The following NOCT variants were observed in gnomAD, a reference collection of about 807,000 sequenced individuals.
NOCT encodes CCR4 carbon catabolite repression 4-like.
Under a neutral mutation model 35.0 loss-of-function variants are expected in NOCT, and 18 were observed. The observed-to-expected ratio is 0.51, with a 90% CI of 0.36 to 0.76. The LOEUF is 0.76. Ranked by LOEUF, NOCT falls within the 30% of genes least tolerant of loss-of-function variation. The pLI, the probability that NOCT is intolerant of heterozygous loss-of-function variation, is 0.01. For synonymous variants in NOCT, 235 were observed against 226.3 expected (o/e 1.04, Z -0.34); for missense variants, 479 against 541.0 (o/e 0.89, Z 1.14).
At chr4:139,044,497 T>A (rs1188438090) in intron 2 of NOCT, 142 bp from the exon 3 acceptor site, 2 of 607,418 alleles carry the variant, frequency 3.3e-6, no homozygotes, top group East Asian at 5.5e-5. Context: ...TTGGATGGGG[T>A]AATACAGTTT....
chr4:139,044,143 T>TC (rs1726892566), intron 2 of NOCT, among the ~76,000 whole-genome samples: 1 of 151,320 alleles, frequency 6.6e-6, no homozygotes, highest in Non-Finnish European at 1.5e-5. Context: ...TTTTTTTTTT[T>TC]CCTGGAAAAT....
At chr4:139,025,596 T>C (rs1726498085) in intron 1 of NOCT, among the ~76,000 whole-genome samples, 1 of 151,894 alleles carries the variant, frequency 6.6e-6, no homozygotes, top group South Asian at 2.1e-4. Flanking sequence ...AGATTGGGAG[T>C]TCCAGACCAA....
At chr4:139,041,828 G>A (rs1382629464) in intron 1 of NOCT, among the ~76,000 whole-genome samples, 1 of 152,090 alleles carries the variant, frequency 6.6e-6, no homozygotes, top group Non-Finnish European at 1.5e-5. Context: ...ATTGATACAA[G>A]ATTATAGAGT....
chr4:139,029,752 A>C (rs955786332), intron 1 of NOCT, among the ~76,000 whole-genome samples: 2 of 152,176 alleles, frequency 1.3e-5, no homozygotes, highest in African/African-American at 4.8e-5. Flanking sequence ...AATTCATGTC[A>C]TATAAGCCCA....
At position 139,044,907 on chromosome 4, in the gene NOCT, C is replaced by T. The variant is rs780952058; in HGVS notation, c.729C>T (p.Asn243=). 2.4e-5 allele frequency: 38 copies of T among 1,614,032 alleles called. No individual in the cohort carries two copies. The African/African-American group carries it at 3.2e-4, about 14-fold the overall frequency. The change falls in exon 3 of 3, where the codon AAC becomes AAT. Residue 243 remains asparagine, a synonymous_variant. Coordinates refer to ENST00000280614, the MANE Select transcript of NOCT (RefSeq NM_012118.4). ...PDGCALFFLQ[N]RFKLVNSANI... is the part of the protein sequence containing the mutation. Reference sequence around the variant, plus strand: ...GTTGTGCCTTATTTTTTCTTCAAAACCGATTCAAGCTAGTCAACAGTGCCA... The same window carrying T: ...GTTGTGCCTTATTTTTTCTTCAAAATCGATTCAAGCTAGTCAACAGTGCCA...
chr4:139,043,316 G>T lies in NOCT; in HGVS notation c.433G>T (p.Val145Phe). The T allele has an allele frequency of 1.9e-6, 3 of 1,614,038 alleles. No homozygotes were observed. Among genetic ancestry groups the T allele is most frequent in the East Asian group, 2.2e-5 (1 of 44,868 alleles). ...CCCTAGTACCCACCCACCTATCAGGGTTATGCAATGGAACATCCTCGCCCA... is the reference window on the plus strand; with the variant it reads ...CCCTAGTACCCACCCACCTATCAGGTTTATGCAATGGAACATCCTCGCCCA... ...DCPSTHPPIRVMQWNILAQAL... is the reference protein window; with the variant it reads ...DCPSTHPPIRFMQWNILAQAL... Residue 145 changes from valine to phenylalanine, a missense_variant, in exon 2 of 3, where the codon GTT becomes TTT. Physicochemically the swap from Val to Phe is conservative, Grantham distance 50 (BLOSUM62 -1). Coordinates refer to ENST00000280614, the MANE Select transcript of NOCT (RefSeq NM_012118.4).
intron 1 of NOCT, 137 bp downstream of exon 1, chr4:139,016,308 A>C: frequency 2.2e-6 from 1 of 450,342 alleles, no homozygotes; most frequent in Non-Finnish European, 3.5e-6. Flanking sequence ...CCTTTACCGG[A>C]GCAACCTTCT....
At chr4:139,033,737 C>T (rs189678649) in intron 1 of NOCT, among the ~76,000 whole-genome samples, 246 of 151,344 alleles carry the variant, frequency 1.6e-3, no homozygotes, top group Non-Finnish European at 2.8e-3. Context: ...AACAATGAGA[C>T]TTGTTAACTC....
chr4:139,015,968 C>T lies in NOCT; in HGVS notation c.-14C>T, dbSNP rs1483312334. On this transcript the variant is annotated 5_prime_UTR_variant, in exon 1 of 3. Coordinates refer to ENST00000280614, the MANE Select transcript of NOCT (RefSeq NM_012118.4). ...TCGGGCGCGCGAGGGGCCGTGGTGGCGGCGGCGCCCGGCATGTTTCATAGT... is the reference window on the plus strand; with the variant it reads ...TCGGGCGCGCGAGGGGCCGTGGTGGTGGCGGCGCCCGGCATGTTTCATAGT... 27 of 1,339,804 alleles carry T rather than the reference C, an allele frequency of 2.0e-5. No homozygotes were observed. Among genetic ancestry groups the T allele is most frequent in the Non-Finnish European group, 2.5e-5 (26 of 1,050,112 alleles). The allele number at this position is 1,339,804 out of a possible 1,614,324, so 83.0% of individuals were successfully genotyped here. A position where few individuals can be genotyped will look rare whatever the true frequency, so the allele number is the denominator to read the frequency against.
rs187689126 is a variant in NOCT, at chr4:139,019,948, C to T, written c.190+3777C>T. On this transcript the variant is annotated intron_variant, in intron 1 of 2. Transcript: ENST00000280614. ...TTTTTTTCATGGTACAATTTATAGGCAAATGCCACCAGCTCATTTGAGAAG... is the reference window on the plus strand; with the variant it reads ...TTTTTTTCATGGTACAATTTATAGGTAAATGCCACCAGCTCATTTGAGAAG... 3.6e-3 allele frequency among the ~76,000 whole-genome samples: 543 copies of T among 152,220 alleles called. 3 individuals are homozygous for T. The highest frequency in any genetic ancestry group is 0.013 in the African/African-American group (521 of 41,538).
chr4:139,016,821 CT>C (rs1726316621), intron 1 of NOCT, among the ~76,000 whole-genome samples: 1 of 151,182 alleles, frequency 6.6e-6, no homozygotes, highest in Non-Finnish European at 1.5e-5. Flanking sequence ...GCCTAGCTAA[CT>C]TTTGTATATT....
At chr4:139,042,606 A>T (rs1726854174) in intron 1 of NOCT, among the ~76,000 whole-genome samples, 1 of 152,168 alleles carries the variant, frequency 6.6e-6, no homozygotes, top group Non-Finnish European at 1.5e-5. Flanking sequence ...AAACTCCTTT[A>T]TTCTGCCTCT....
intron 1 of NOCT, among the ~76,000 whole-genome samples, chr4:139,035,413 G>A (rs974243327): frequency 3.3e-5 from 5 of 152,116 alleles, no homozygotes; most frequent in Non-Finnish European, 5.9e-5. Context: ...TTTGATTACA[G>A]GCATGAGCCA....
In NOCT at chr4:139,044,804, G is replaced by A; in HGVS notation, c.626G>A (p.Arg209Lys). 1 of 1,614,196 alleles carries A rather than the reference G, an allele frequency of 6.2e-7. No individual in the cohort carries two copies. Among genetic ancestry groups the A allele is most frequent in the Non-Finnish European group, 8.5e-7 (1 of 1,180,038 alleles). The change falls in exon 3 of 3, where the codon AGA becomes AAA. Residue 209 changes from arginine to lysine, a missense_variant. By Grantham distance (26) the Arg-to-Lys change is conservative. Around this residue, in one of 2 missense-constraint regions of NOCT, gnomAD observed 214 missense variants for 284.0 expected, o/e 0.75. Coordinates refer to ENST00000280614, the MANE Select transcript of NOCT (RefSeq NM_012118.4). ...GACACCTTCCAGCCACTCCTCAGTA[G>A]ACTAGGCTATCAAGGCACGTTTTTC... ...YFDTFQPLLS[R>K]LGYQGTFFPK...
chr4:139,019,309 C>T (rs1195463768), intron 1 of NOCT, among the ~76,000 whole-genome samples: 1 of 152,184 alleles, frequency 6.6e-6, no homozygotes, highest in African/African-American at 2.4e-5. Flanking sequence ...CTGCTTTGGC[C>T]TTCCAAAGTG....
At chr4:139,026,651 A>G (rs567989590) in intron 1 of NOCT, among the ~76,000 whole-genome samples, 2 of 151,632 alleles carry the variant, frequency 1.3e-5, no homozygotes, top group East Asian at 1.9e-4. Context: ...GCTGGGTTCA[A>G]GTTATTCTCC....
chr4:139,020,871 C>G (rs942975102), intron 1 of NOCT, among the ~76,000 whole-genome samples: 1 of 151,760 alleles, frequency 6.6e-6, no homozygotes, highest in African/African-American at 2.4e-5. Context: ...CAAGACCAGC[C>G]TGGGCAACAT....
Position 139,045,313 on chromosome 4 carries a change from A to G in NOCT, c.1135A>G (p.Ile379Val), listed in dbSNP as rs770942853. 26 of 1,613,890 alleles carry G rather than the reference A, an allele frequency of 1.6e-5. No individual in the cohort carries two copies. The Admixed American group carries it at 4.3e-4, about 27-fold the overall frequency. ...GGAGTGCAGGCACACCCTGGATTAC[A>G]TCTGGTATTCTAAACATGCTCTAAA... is the stretch of plus-strand genomic sequence containing the variant. ...SGECRHTLDY[I>V]WYSKHALNVR... is the part of the protein sequence containing the mutation. Residue 379 changes from isoleucine to valine, a missense_variant, in exon 3 of 3, where the codon ATC (isoleucine) becomes GTC (valine). Coordinates refer to ENST00000280614, the MANE Select transcript of NOCT (RefSeq NM_012118.4).
chr4:139,038,201 A>AAATC (rs1347569406), intron 1 of NOCT, among the ~76,000 whole-genome samples: 2 of 151,816 alleles, frequency 1.3e-5, no homozygotes, highest in African/African-American at 4.8e-5. Context: ...TGTCTCAAAT[A>AAATC]AATAAATAAA....
Sources: gnomAD v4.1 joint callset for allele counts (sites outside exome capture counted in the v4.1 genomes callset) on GRCh38, gnomAD v4.1.1 for gene constraint, gnomAD v4.1.1 regional missense constraint, MANE v1.5 for transcripts, NCBI Gene and HGNC (gene_info 2026-07-23, HGNC 2026-07-21) for gene names.